The following IQGAP2 variants were observed in gnomAD, a reference collection of about 807,000 sequenced individuals.
The protein encoded by IQGAP2 is ras GTPase-activating-like protein IQGAP2.
Under a neutral mutation model 201.3 loss-of-function variants are expected in IQGAP2, and 173 were observed. That is an observed-to-expected ratio of 0.86 (90% CI 0.76 to 0.98). IQGAP2 has a LOEUF of 0.98. IQGAP2 is among the 50% of genes least tolerant of loss of function. The pLI, the probability that IQGAP2 is intolerant of heterozygous loss-of-function variation, is 0.00. For synonymous variants in IQGAP2, 675 were observed against 673.9 expected, an observed-to-expected ratio of 1.00 and a Z score of -0.03; for missense variants, 1,687 against 1,864.8, an observed-to-expected ratio of 0.90 and a Z score of 1.76.
chr5:76,668,636 GTTTTGTGGGATT>G (rs771285336), intron 22 of IQGAP2, 33 bp from the exon 23 acceptor site: 16 of 1,495,650 alleles, frequency 1.1e-5, no homozygotes, highest in Admixed American at 5.6e-5. Context: ...TTAACTTATT[GTTTTGTGGGATT>G]TTTTTGTTTT....
chr5:76,628,665 G>A, intron 14 of IQGAP2: 1 of 455,624 alleles, frequency 2.2e-6, no homozygotes, highest in South Asian at 1.6e-5. Flanking sequence ...TTCTTAAGAT[G>A]ACTTTGTCTT....
intron 2 of IQGAP2, among the ~76,000 whole-genome samples, chr5:76,561,386 G>C (rs1744352445): frequency 6.6e-6 from 1 of 152,220 alleles, no homozygotes; most frequent in Admixed American, 6.5e-5. Context: ...GTTGGGATCA[G>C]TTGTTAATAT....
intron 1 of IQGAP2, among the ~76,000 whole-genome samples, chr5:76,430,366 G>A (rs1752296927): frequency 6.6e-6 from 1 of 152,140 alleles, no homozygotes; most frequent in Non-Finnish European, 1.5e-5. Context: ...CCTGGTACCT[G>A]GGGTGGGATG....
chr5:76,456,059 G>T (rs1412294818), intron 1 of IQGAP2, among the ~76,000 whole-genome samples: 1 of 152,170 alleles, frequency 6.6e-6, no homozygotes, highest in Admixed American at 6.5e-5. Flanking sequence ...AAACTTCGTA[G>T]GACTAAACTT....
rs571143158 is a variant in IQGAP2 at position 76,551,010 on chromosome 5, G to T, written c.147-11386G>T. ...TGCCCCCCACCTCCCTCCCGGACGG[G>T]GGTGGCTGGCCGGGCAGAGAGGCTC... On this transcript the variant is annotated intron_variant, in intron 2 of 35. Coordinates refer to ENST00000274364, the MANE Select transcript of IQGAP2 (RefSeq NM_006633.5). Among the ~76,000 whole-genome samples, 477 of 151,758 alleles carry T rather than the reference G, an allele frequency of 3.1e-3. 7 individuals are homozygous for T. The highest frequency in any genetic ancestry group is 1.1e-3 in the Non-Finnish European group (78 of 67,878).
At position 76,562,470 on chromosome 5, in the gene IQGAP2, A is replaced by T. The variant is rs779912911; in HGVS notation, c.221A>T (p.Tyr74Phe). The T allele has an allele frequency of 2.5e-6, 4 of 1,613,896 alleles. No individual in the cohort carries two copies. In the East Asian group the frequency reaches 8.9e-5, roughly 36 times the overall value. The change falls in exon 3 of 36, where the codon TAC becomes TTC. Residue 74 changes from tyrosine (Y) to phenylalanine (F), a missense_variant. Tyr to Phe is a conservative substitution (Grantham distance 22). Transcript: ENST00000274364. ...ELEEGLRNGVYLAKLAKFFAP... is the reference protein window; with the variant it reads ...ELEEGLRNGVFLAKLAKFFAP... Reference sequence around the variant, plus strand: ...GAAGAAGGGCTCCGGAATGGAGTTTACCTTGCAAAGTTAGCCAAGTTCTTT... The same window carrying T: ...GAAGAAGGGCTCCGGAATGGAGTTTTCCTTGCAAAGTTAGCCAAGTTCTTT...
At chr5:76,425,971 G>A (rs1198930601) in intron 1 of IQGAP2, among the ~76,000 whole-genome samples, 3 of 152,150 alleles carry the variant, frequency 2.0e-5, no homozygotes, top group African/African-American at 7.2e-5. Flanking sequence ...CAGTTTCAGA[G>A]CAGGTTTTCC....
chr5:76,532,873 G>A (rs1759395071), intron 2 of IQGAP2, among the ~76,000 whole-genome samples: 1 of 152,230 alleles, frequency 6.6e-6, no homozygotes, highest in Non-Finnish European at 1.5e-5. Context: ...AGGGCAGCTA[G>A]CCACACTGCC....
chr5:76,583,824 A>G (rs1437372303), intron 5 of IQGAP2, among the ~76,000 whole-genome samples: 1 of 152,142 alleles, frequency 6.6e-6, no homozygotes, highest in Non-Finnish European at 1.5e-5. Context: ...TCAAACCTAT[A>G]TTTTGTGGTA....
At chr5:76,521,900 G>T (rs1400185472) in intron 2 of IQGAP2, among the ~76,000 whole-genome samples, 1 of 151,942 alleles carries the variant, frequency 6.6e-6, no homozygotes, top group African/African-American at 2.4e-5. Flanking sequence ...CCTGCTTGGA[G>T]ATCAATTCCT....
intron 2 of IQGAP2, among the ~76,000 whole-genome samples, chr5:76,529,426 G>A (rs185808631): frequency 6.6e-6 from 1 of 151,908 alleles, no homozygotes; most frequent in Admixed American, 6.6e-5. Flanking sequence ...TCAGGAGTTC[G>A]AGATCAGCCT....
intron 6 of IQGAP2, among the ~76,000 whole-genome samples, chr5:76,589,385 T>C (rs1173343805): frequency 6.6e-6 from 1 of 151,914 alleles, no homozygotes; most frequent in Non-Finnish European, 1.5e-5. Context: ...CTTATTCCTG[T>C]ATATTGATGA....
At chr5:76,675,667 G>A (rs964721014) in intron 27 of IQGAP2, among the ~76,000 whole-genome samples, 4 of 152,104 alleles carry the variant, frequency 2.6e-5, no homozygotes, top group Admixed American at 6.5e-5. Flanking sequence ...CATCAGTTTG[G>A]CCTCTTTTAA....
rs772777323 is a variant in IQGAP2, at chr5:76,597,433, C to T, written c.908-6C>T. 1.9e-6 allele frequency: 3 copies of T among 1,613,640 alleles called. No homozygotes were observed. Among genetic ancestry groups the T allele is most frequent in the East Asian group, 2.2e-5 (1 of 44,872 alleles). ...ATTCTGACAAAACATGAACCCCCAT[C>T]CTCAGGGCAGGCTGCAGTGGACCAT... On this transcript the variant is annotated splice_region_variant and splice_polypyrimidine_tract_variant and intron_variant, in intron 9 of 35. Coordinates refer to ENST00000274364, the MANE Select transcript of IQGAP2 (RefSeq NM_006633.5).
At chr5:76,658,197 A>T (rs1044738264) in intron 20 of IQGAP2, among the ~76,000 whole-genome samples, 1 of 152,182 alleles carries the variant, frequency 6.6e-6, no homozygotes, top group Non-Finnish European at 1.5e-5. Flanking sequence ...GAACAGTGTG[A>T]GAGAGAGCTG....
Position 76,702,469 on chromosome 5 carries a change from C to G in IQGAP2, c.4506-13C>G. 8.1e-7 allele frequency: 1 copy of G among 1,228,174 alleles called. No individual in the cohort carries two copies. Among genetic ancestry groups the G allele is most frequent in the Admixed American group, 1.7e-5 (1 of 58,474 alleles). The allele number at this position is 1,228,174 out of a possible 1,614,324, so 76.1% of individuals were successfully genotyped here. ...TTGTAATTTCTCATGTATGAATGTT[C>G]CTTTCTTCACAGGTTTAAGAATGTT... On this transcript the variant is annotated splice_polypyrimidine_tract_variant and intron_variant, in intron 34 of 35. Coordinates refer to ENST00000274364, the MANE Select transcript of IQGAP2 (RefSeq NM_006633.5).
At chr5:76,512,477 C>G (rs990616423) in intron 2 of IQGAP2, among the ~76,000 whole-genome samples, 10 of 152,138 alleles carry the variant, frequency 6.6e-5, no homozygotes, top group African/African-American at 2.4e-4. Flanking sequence ...TAATTGCTTT[C>G]TCTATTGGTG....
chr5:76,425,783 T>C (rs1037854779), intron 1 of IQGAP2, among the ~76,000 whole-genome samples: 1 of 152,212 alleles, frequency 6.6e-6, no homozygotes, highest in East Asian at 1.9e-4. Context: ...ATCATTTTGC[T>C]GGCCTTGCTT....
chr5:76,429,097 G>A, intron 1 of IQGAP2, among the ~76,000 whole-genome samples: 1 of 147,742 alleles, frequency 6.8e-6, no homozygotes, highest in African/African-American at 2.5e-5. Context: ...AAAAATTCTA[G>A]AAGTACATTG....
Sources: gnomAD v4.1 joint callset for allele counts (sites outside exome capture counted in the v4.1 genomes callset) on GRCh38, gnomAD v4.1.1 for gene constraint, MANE v1.5 for transcripts, NCBI Gene and HGNC (gene_info 2026-07-23, HGNC 2026-07-21) for gene names.